Variants in MMP26 observed in about 807,000 individuals in gnomAD.
The protein encoded by MMP26 is matrix metalloproteinase-26.
A neutral mutation model predicts 31.0 loss-of-function variants in MMP26; 33 were observed. The observed-to-expected ratio is 1.06, with a 90% CI of 0.81 to 1.42. The LOEUF (loss-of-function observed/expected upper bound fraction) is 1.42, where lower values mean the gene tolerates loss of function less well. Ranked by LOEUF, MMP26 falls within the 40% of genes most tolerant of loss-of-function variation. The probability of loss-of-function intolerance (pLI) is 0.00; values close to 1 mark genes in which losing one functional copy is unlikely to be tolerated. For synonymous variants in MMP26, 122 were observed against 114.9 expected, an observed-to-expected ratio of 1.06 and a Z score of -0.40; for missense variants, 347 against 316.1, an observed-to-expected ratio of 1.10 and a Z score of -0.74.
chr11:4,730,454 G>T (rs568788001), intron 1 of MMP26, among the ~76,000 whole-genome samples: 1 of 149,268 alleles, frequency 6.7e-6, no homozygotes, highest in African/African-American at 2.5e-5. Context: ...AGAGTGATAG[G>T]TGACTACTGC....
intron 2 of MMP26, among the ~76,000 whole-genome samples, chr11:4,790,366 A>C (rs557537874): frequency 5.5e-4 from 84 of 152,284 alleles, no homozygotes; most frequent in African/African-American, 1.4e-3. Context: ...AACAAACAAA[A>C]AAAAGCAATT....
chr11:4,723,407 T>C (rs552321125), intron 1 of MMP26: 2 of 968,708 alleles, frequency 2.1e-6, no homozygotes, highest in Non-Finnish European at 3.3e-6. Flanking sequence ...ACCTCAGCGA[T>C]AGTGTTGTCC....
Position 4,992,286 on chromosome 11 carries a change from T to C in MMP26, c.*44T>C. On this transcript the variant is annotated 3_prime_UTR_variant, in exon 8 of 8. Transcript: ENST00000380390. The stretch of plus-strand genomic sequence containing the variant: ...ATTCAACCTGTCCTTTCAGGGAGTT[T>C]ATTGGAGGATCAAAGAACTGAAAGC... The C allele has an allele frequency of 6.3e-7, 1 of 1,578,532 alleles. No homozygotes were observed. The highest frequency in any genetic ancestry group is 1.1e-5 in the South Asian group (1 of 87,436).
intron 2 of MMP26, among the ~76,000 whole-genome samples, chr11:4,980,426 G>C (rs983086837): frequency 7.2e-5 from 11 of 151,928 alleles, no homozygotes; most frequent in Non-Finnish European, 1.6e-4. Flanking sequence ...TTACATGAAG[G>C]TCTTTTATAC....
intron 2 of MMP26, chr11:4,833,184 A>C (rs1384288729): frequency 6.6e-6 from 1 of 152,210 alleles, no homozygotes; most frequent in Non-Finnish European, 1.5e-5. Flanking sequence ...TTAAATTAGC[A>C]TTAATTAATT....
At chr11:4,990,495 T>TAA (rs1846981255) in intron 4 of MMP26, 103 bp from the exon 5 acceptor site, 10 of 1,193,788 alleles carry the variant, frequency 8.4e-6, no homozygotes, top group Non-Finnish European at 1.0e-5. Context: ...AAATGAGTCC[T>TAA]AAAACTATTA....
intron 2 of MMP26, chr11:4,822,176 T>C (rs1808329649): frequency 3.1e-6 from 5 of 1,608,372 alleles, no homozygotes; most frequent in Middle Eastern, 1.7e-4. Context: ...GCTGTTTCCA[T>C]CTTCTACCTC....
At chr11:4,729,730 T>A (rs557003956) in intron 1 of MMP26, among the ~76,000 whole-genome samples, 1 of 150,868 alleles carries the variant, frequency 6.6e-6, no homozygotes, top group East Asian at 1.9e-4. Flanking sequence ...GGTGTGAGCA[T>A]ATATATATAT....
intron 2 of MMP26, among the ~76,000 whole-genome samples, chr11:4,834,459 T>A (rs1363822029): frequency 1.3e-5 from 2 of 152,174 alleles, no homozygotes; most frequent in African/African-American, 4.8e-5. Context: ...GACTGTGCAA[T>A]CCTTATTTAC....
At chr11:4,773,908 C>T (rs899041478) in intron 2 of MMP26, among the ~76,000 whole-genome samples, 5 of 152,108 alleles carry the variant, frequency 3.3e-5, no homozygotes, top group Admixed American at 1.3e-4. Context: ...TCTGTTCCTG[C>T]ATGAGTTTGC....
At chr11:4,725,679 T>C (rs990637780) in intron 1 of MMP26, among the ~76,000 whole-genome samples, 1 of 152,198 alleles carries the variant, frequency 6.6e-6, no homozygotes, top group Non-Finnish European at 1.5e-5. Context: ...CACTCTCTCA[T>C]CAGGTGTTTG....
intron 1 of MMP26, among the ~76,000 whole-genome samples, chr11:4,726,787 G>C (rs187193780): frequency 2.0e-5 from 3 of 152,032 alleles, no homozygotes; most frequent in Admixed American, 2.0e-4. Flanking sequence ...TGGGAGGATC[G>C]CTTCAGGCCA....
At position 4,821,744 on chromosome 11, in the gene MMP26, G is replaced by T. The variant is rs1183012684; in HGVS notation, c.-145+54403G>T. ...ATTGCCCAGATGTTCTTTCTACACG[G>T]ATTTACTTTCATGGAGTCTGGGGTT... is the stretch of plus-strand genomic sequence containing the variant. On this transcript the variant is annotated intron_variant, in intron 2 of 7. Coordinates refer to ENST00000380390, the MANE Select transcript of MMP26 (RefSeq NM_021801.5). 1.2e-6 allele frequency: 2 copies of T among 1,613,800 alleles called. No individual in the cohort carries two copies. Among genetic ancestry groups the T allele is most frequent in the African/African-American group, 2.7e-5 (2 of 74,840 alleles).
chr11:4,848,848 A>G, intron 2 of MMP26: 1 of 1,614,232 alleles, frequency 6.2e-7, no homozygotes, highest in Non-Finnish European at 8.5e-7. Flanking sequence ...AGCAAGACAG[A>G]GGACTCCATG....
intron 2 of MMP26, among the ~76,000 whole-genome samples, chr11:4,894,013 TAC>T (rs1307782374): frequency 7.9e-5 from 12 of 152,078 alleles, no homozygotes; most frequent in African/African-American, 2.9e-4. Flanking sequence ...ATATACAAAA[TAC>T]ATAAAATATA....
intron 1 of MMP26, among the ~76,000 whole-genome samples, chr11:4,749,228 G>A (rs141844142): frequency 6.6e-6 from 1 of 151,774 alleles, no homozygotes; most frequent in African/African-American, 2.4e-5. Flanking sequence ...TCATTTAATC[G>A]AGGAGGTGAA....
rs888243232 is a variant in MMP26 at position 4,882,940 on chromosome 11, G to C, written c.-144-105128G>C. 7 of 1,404,256 alleles carry C rather than the reference G, an allele frequency of 5.0e-6. No homozygotes were observed. The East Asian group carries it at 1.6e-4, about 33-fold the overall frequency. The allele number at this position is 1,404,256 out of a possible 1,614,324, so 87.0% of individuals were successfully genotyped here. On this transcript the variant is annotated intron_variant, in intron 2 of 7. Coordinates refer to ENST00000380390, the MANE Select transcript of MMP26 (RefSeq NM_021801.5). Reference sequence around the variant, plus strand: ...TTTGGAAAGAAAGGGACTTGGGGCAGTCTTATCCACAGGTGTTTTGGTTGC... The same window carrying C: ...TTTGGAAAGAAAGGGACTTGGGGCACTCTTATCCACAGGTGTTTTGGTTGC...
intron 2 of MMP26, among the ~76,000 whole-genome samples, chr11:4,977,014 ATTTATT>A (rs1846747013): frequency 6.6e-6 from 1 of 152,002 alleles, no homozygotes; most frequent in African/African-American, 2.4e-5. Flanking sequence ...GAGCACCTGA[ATTTATT>A]TTTAGAGGCC....
At chr11:4,898,093 T>C (rs1429240202) in intron 2 of MMP26, among the ~76,000 whole-genome samples, 2 of 151,630 alleles carry the variant, frequency 1.3e-5, no homozygotes, top group Non-Finnish European at 2.9e-5. Context: ...TTAGCATTTA[T>C]TGTGTGAAGG....
Sources: gnomAD v4.1 joint callset for allele counts (sites outside exome capture counted in the v4.1 genomes callset) on GRCh38, gnomAD v4.1.1 for gene constraint, MANE v1.5 for transcripts, NCBI Gene and HGNC (gene_info 2026-07-23, HGNC 2026-07-21) for gene names.